BSN: variants seen among roughly 807,000 people sequenced by gnomAD.
BSN encodes the protein bassoon presynaptic cytomatrix protein, also known as protein bassoon.
Under a neutral mutation model 264.8 loss-of-function variants are expected in BSN, and 57 were observed. The observed-to-expected ratio is 0.22, with a 90% confidence interval of 0.17 to 0.27. The LOEUF is 0.27. BSN is among the 10% of genes least tolerant of loss of function. The pLI is 1.00. For missense variants in BSN, 4,615 were observed against 5,232.5 expected, an observed-to-expected ratio of 0.88 and a Z score of 3.64; for synonymous variants, 2,059 against 2,137.3, an observed-to-expected ratio of 0.96 and a Z score of 1.01.
chr3:49,613,144 C>T (rs2052221437), intron 1 of BSN, among the ~76,000 whole-genome samples: 1 of 151,652 alleles, frequency 6.6e-6, no homozygotes, highest in African/African-American at 2.4e-5. Flanking sequence ...AAGAAAACAA[C>T]AACAACAACA....
intron 1 of BSN, among the ~76,000 whole-genome samples, chr3:49,560,646 A>G (rs2051704981): frequency 6.6e-6 from 1 of 152,128 alleles, no homozygotes; most frequent in Admixed American, 6.5e-5. Context: ...TGGTGCCAGG[A>G]GCATGTCATG....
intron 1 of BSN, among the ~76,000 whole-genome samples, chr3:49,605,740 A>AC (rs2052127267): frequency 7.3e-5 from 5 of 68,264 alleles, no homozygotes; most frequent in Non-Finnish European, 7.5e-5. Context: ...ATAATATATA[A>AC]ATATATATAA....
At chr3:49,629,390 A>G (rs554386354) in intron 2 of BSN, among the ~76,000 whole-genome samples, 21 of 152,238 alleles carry the variant, frequency 1.4e-4, no homozygotes, top group Non-Finnish European at 2.9e-4. Context: ...GGAGGGAGAC[A>G]AGGCATGGGC....
intron 1 of BSN, among the ~76,000 whole-genome samples, chr3:49,572,780 G>T (rs186548524): frequency 6.6e-6 from 1 of 152,140 alleles, no homozygotes; most frequent in Non-Finnish European, 1.5e-5. Flanking sequence ...TGATCCGCCC[G>T]CCTAAGCCTC....
At chr3:49,565,169 G>C (rs1252785219) in intron 1 of BSN, among the ~76,000 whole-genome samples, 2 of 121,580 alleles carry the variant, frequency 1.6e-5, no homozygotes, top group South Asian at 5.2e-4. Context: ...TTTTTGAGAC[G>C]GAGTCTCACT....
In BSN at chr3:49,652,302, G is replaced by A; in HGVS notation, c.2746G>A (p.Glu916Lys). Residue 916 changes from glutamate (E) to lysine (K), a missense_variant, in exon 5 of 12, where the codon GAG (glutamate) becomes AAG (lysine). By Grantham distance (56) the Glu-to-Lys change is moderately conservative. This residue lies in a region of BSN where 1,197 missense variants were observed against 1,348.0 expected (regional missense o/e 0.89). Transcript: ENST00000296452. Reference sequence around the variant, plus strand: ...GCTGCTCCCTGAGGGAGGCTCAGCAGAGGCTACCGATGGCAGTGGGACCCT... The same window carrying A: ...GCTGCTCCCTGAGGGAGGCTCAGCAAAGGCTACCGATGGCAGTGGGACCCT... ...EELLPEGGSA[E>K]ATDGSGTLQG... The A allele has an allele frequency of 6.3e-7, 1 of 1,596,898 alleles. No individual in the cohort carries two copies. Among genetic ancestry groups the A allele is most frequent in the South Asian group, 1.1e-5 (1 of 88,864 alleles).
At chr3:49,664,324 AG>A (rs2052692475) in intron 8 of BSN, 98 bp from the exon 9 acceptor site, 2 of 1,497,380 alleles carry the variant, frequency 1.3e-6, no homozygotes, top group Non-Finnish European at 1.8e-6. Context: ...CCCACCTTAT[AG>A]GGTACCTGTG....
At chr3:49,569,498 A>G (rs534594096) in intron 1 of BSN, among the ~76,000 whole-genome samples, 2 of 152,324 alleles carry the variant, frequency 1.3e-5, no homozygotes, top group South Asian at 4.1e-4. Flanking sequence ...ATGAACAGGT[A>G]GATTATGCCC....
At chr3:49,643,207 G>A in intron 3 of BSN, 55 bp downstream of exon 3, 1 of 1,541,662 alleles carries the variant, frequency 6.5e-7, no homozygotes, top group Non-Finnish European at 8.7e-7. Flanking sequence ...CCGGGCCTGG[G>A]TAGTGAGTGT....
intron 1 of BSN, among the ~76,000 whole-genome samples, chr3:49,579,507 A>G (rs1048171909): frequency 2.6e-5 from 4 of 151,852 alleles, no homozygotes; most frequent in Non-Finnish European, 5.9e-5. Flanking sequence ...GGTTCAAGCA[A>G]TTCTCCTGCC....
intron 5 of BSN, among the ~76,000 whole-genome samples, chr3:49,659,752 G>T (rs1431431911): frequency 6.6e-6 from 1 of 152,204 alleles, no homozygotes; most frequent in Non-Finnish European, 1.5e-5. Flanking sequence ...GCTGCTGGAG[G>T]TAGGGCTGGA....
chr3:49,578,817 C>G (rs2051868741), intron 1 of BSN, among the ~76,000 whole-genome samples: 1 of 152,136 alleles, frequency 6.6e-6, no homozygotes, highest in South Asian at 2.1e-4. Flanking sequence ...AAGGTAACCA[C>G]TAATCTACTA....
In BSN at chr3:49,589,029, C is replaced by G. The variant is rs181849851; in HGVS notation, c.224+34203C>G. Among the ~76,000 whole-genome samples the G allele has an allele frequency of 4.2e-4, 63 of 151,698 alleles. No individual in the cohort carries two copies. The East Asian group carries it at 9.9e-3, about 24-fold the overall frequency. ...TCCCGCGTTTACGCCATTCTCCTGC[C>G]TCAGCCTCCCGAGTAGCTGGGACTA... On this transcript the variant is annotated intron_variant, in intron 1 of 11. Transcript: ENST00000296452.
intron 1 of BSN, among the ~76,000 whole-genome samples, chr3:49,571,293 AG>A (rs2051793250): frequency 6.6e-6 from 1 of 152,132 alleles, no homozygotes; most frequent in Non-Finnish European, 1.5e-5. Context: ...GACAGGGAAG[AG>A]GAGCCTGGGT....
chr3:49,566,286 T>C (rs2051751589), intron 1 of BSN, among the ~76,000 whole-genome samples: 1 of 152,252 alleles, frequency 6.6e-6, no homozygotes, highest in African/African-American at 2.4e-5. Context: ...AGACTATCTC[T>C]CATTTTGGTT....
rs1305440912 is a variant in BSN at position 49,668,505 on chromosome 3, C to T, written c.*1020C>T. 1 of 152,720 alleles carries T rather than the reference C, an allele frequency of 6.5e-6. No individual in the cohort carries two copies. The highest frequency in any genetic ancestry group is 1.5e-5 in the Non-Finnish European group (1 of 68,082). The allele number at this position is 152,720 out of a possible 1,614,324, so 9.5% of individuals were successfully genotyped here. A position where few individuals can be genotyped will look rare whatever the true frequency, so the allele number is the denominator to read the frequency against. On this transcript the variant is annotated 3_prime_UTR_variant, in exon 12 of 12. Transcript: ENST00000296452. The stretch of plus-strand genomic sequence containing the variant: ...GACTGATGGTTTGGTTTCCTCTCTG[C>T]TCTGCCCCTGCTCAGCACAGGGAGA...
chr3:49,556,039 T>C (rs898407264), intron 1 of BSN, among the ~76,000 whole-genome samples: 1 of 152,166 alleles, frequency 6.6e-6, no homozygotes, highest in Admixed American at 6.5e-5. Flanking sequence ...GTGGGATTTG[T>C]CCATTTTATA....
rs776863658 is a variant in BSN, at chr3:49,654,219, C to A, written c.4663C>A (p.Pro1555Thr). Reference protein sequence around the residue: ...LVWQESSQEAPFMVITLASDA... With the variant: ...LVWQESSQEATFMVITLASDA... Reference sequence around the variant, plus strand: ...GTGGCAGGAGTCCTCTCAAGAGGCTCCCTTTATGGTCATCACGCTGGCATC... The same window carrying A: ...GTGGCAGGAGTCCTCTCAAGAGGCTACCTTTATGGTCATCACGCTGGCATC... Residue 1555 changes from proline to threonine, a missense_variant, in exon 5 of 12, where the codon CCC becomes ACC. Pro to Thr is a conservative substitution (Grantham distance 38). This residue lies in a region of BSN where 3,415 missense variants were observed against 3,866.4 expected (regional missense o/e 0.88). Coordinates refer to ENST00000296452, the MANE Select transcript of BSN (RefSeq NM_003458.4). This position sits in a 1 kb window ranked among gnomAD's most constrained non-coding sequence, Gnocchi z 4.1. 1 of 1,613,674 alleles carries A rather than the reference C, an allele frequency of 6.2e-7. No homozygotes were observed. Among genetic ancestry groups the A allele is most frequent in the Non-Finnish European group, 8.5e-7 (1 of 1,179,942 alleles).
intron 1 of BSN, among the ~76,000 whole-genome samples, chr3:49,569,268 A>G (rs2051778015): frequency 6.6e-6 from 1 of 152,158 alleles, no homozygotes; most frequent in Admixed American, 6.5e-5. Context: ...TTTAATATTA[A>G]TGCCACCTGG....
Sources: allele counts gnomAD v4.1 joint callset (sites outside exome capture counted in the v4.1 genomes callset), GRCh38; gene constraint gnomAD v4.1.1; regional missense constraint gnomAD v4.1.1; non-coding constraint Gnocchi (gnomAD v3.1); transcripts MANE v1.5; gene names NCBI Gene and HGNC (gene_info 2026-07-23, HGNC 2026-07-21).